Variants in APBB1 observed in about 807,000 individuals in gnomAD.
APBB1 encodes amyloid beta precursor protein binding family B member 1, also known as adaptor protein FE65a2.
APBB1 carries 22 observed loss-of-function variants against 78.4 expected under a neutral mutation model. The ratio of observed to expected loss-of-function variants is 0.28; its 90% confidence interval spans 0.20 to 0.40. APBB1 has a LOEUF of 0.40. Among genes scored for constraint, APBB1 ranks in the 10% least tolerant of loss-of-function variants. APBB1 has a pLI of 1.00. For synonymous variants in APBB1, 369 were observed against 372.7 expected (o/e 0.99, Z 0.12); for missense variants, 749 against 932.4 (o/e 0.80, Z 2.56).
chr11:6,405,740 C>A, intron 2 of APBB1: 1 of 919,172 alleles, frequency 1.1e-6, no homozygotes, highest in Non-Finnish European at 1.3e-6. Context: ...CCTCTCCTCA[C>A]CCCCACTTCC....
Position 6,410,938 on chromosome 11 carries a change from A to T in APBB1, c.410T>A (p.Leu137Gln). The change falls in exon 2 of 15, where the codon CTG becomes CAG. Residue 137 changes from leucine to glutamine, a missense_variant. Coordinates refer to ENST00000609360, the MANE Select transcript of APBB1 (RefSeq NM_001164.5). ...CCCCTGCTCTTGAGTGCTGATGATC[A>T]GGCCAGGTCCTCGTAGGCCTCGGTT... ...AANRGLRGPG[L>Q]IISTQEQGPD... The T allele has an allele frequency of 6.2e-7, 1 of 1,614,164 alleles. No homozygotes were observed. The highest frequency in any genetic ancestry group is 1.1e-5 in the South Asian group (1 of 91,088).
rs761376857 is a variant in APBB1 at position 6,400,405 on chromosome 11, G to A, written c.1672+584C>T. Among the ~76,000 whole-genome samples the A allele has an allele frequency of 8.5e-5, 13 of 152,146 alleles. 1 individual carries two copies. The highest frequency in any genetic ancestry group is 1.8e-4 in the Non-Finnish European group (12 of 68,026). ...AAACATACAAAAATTAACCAGGCGT[G>A]GTGGCGGGAGCCTGTAATCCCAGCT... On this transcript the variant is annotated intron_variant, in intron 12 of 14. Coordinates refer to ENST00000609360, the MANE Select transcript of APBB1 (RefSeq NM_001164.5).
rs1848517839 is a variant in APBB1, at chr11:6,401,649, C to T, written c.1428G>A (p.Met476Ile). ...AYVARDKLTQ[M>I]LKCHVFRCEA... ...CACAGCGAAACACGTGGCACTTGAG[C>T]ATCTGGGTCAGCTTATCACGAGCTA... The change falls in exon 10 of 15, where the codon ATG (methionine) becomes ATA (isoleucine). Residue 476 changes from methionine (M) to isoleucine (I), a missense_variant. Physicochemically the swap from Met to Ile is conservative, Grantham distance 10 (BLOSUM62 1). Around this residue, in one of 3 missense-constraint regions of APBB1, gnomAD observed 635 missense variants for 765.0 expected, o/e 0.83. Transcript: ENST00000609360. This position sits in a 1 kb window ranked among gnomAD's most constrained non-coding sequence, Gnocchi z 4.5. 6.2e-7 allele frequency: 1 copy of T among 1,614,168 alleles called. No homozygotes were observed. Among genetic ancestry groups the T allele is most frequent in the Non-Finnish European group, 8.5e-7 (1 of 1,180,028 alleles).
Position 6,401,812 on chromosome 11 carries a change from C to A in APBB1, c.1389-124G>T. Reference sequence around the variant, plus strand: ...AGGGCTTCTGCCCACAGCTGGTCCCCCATAGGTGCTGCCTTCTTGGGGGGG... The same window carrying A: ...AGGGCTTCTGCCCACAGCTGGTCCCACATAGGTGCTGCCTTCTTGGGGGGG... On this transcript the variant is annotated intron_variant, in intron 9 of 14. Coordinates refer to ENST00000609360, the MANE Select transcript of APBB1 (RefSeq NM_001164.5). The surrounding 1 kb of genome is among the most constrained non-coding windows in gnomAD (Gnocchi z 4.5). 7.0e-7 allele frequency: 1 copy of A among 1,434,418 alleles called. No individual in the cohort carries two copies. Among genetic ancestry groups the A allele is most frequent in the Non-Finnish European group, 9.7e-7 (1 of 1,031,744 alleles). The allele number at this position is 1,434,418 out of a possible 1,614,324, so 88.9% of individuals were successfully genotyped here.
At chr11:6,408,206 G>A (rs533932553) in intron 2 of APBB1, among the ~76,000 whole-genome samples, 1 of 152,222 alleles carries the variant, frequency 6.6e-6, no homozygotes, top group Non-Finnish European at 1.5e-5. Context: ...GGGAAGAGGA[G>A]CATGGTAAAT....
intron 2 of APBB1, among the ~76,000 whole-genome samples, chr11:6,406,904 C>T (rs1169364676): frequency 6.6e-6 from 1 of 152,220 alleles, no homozygotes; most frequent in Non-Finnish European, 1.5e-5. Flanking sequence ...CCTCACCAGG[C>T]TGTGAAGGCC....
intron 12 of APBB1, among the ~76,000 whole-genome samples, chr11:6,399,433 T>C (rs973609062): frequency 6.6e-6 from 1 of 152,144 alleles, no homozygotes; most frequent in Non-Finnish European, 1.5e-5. Context: ...ATCCAGAAGG[T>C]CCAACAGCCA....
intron 1 of APBB1, among the ~76,000 whole-genome samples, chr11:6,414,464 G>A (rs747636136): frequency 2.0e-5 from 3 of 152,258 alleles, no homozygotes; most frequent in South Asian, 2.1e-4. Flanking sequence ...GCCGTGTGCC[G>A]ACACAGACTG....
At chr11:6,405,041 G>A (rs1848739628) in intron 2 of APBB1, 1 of 1,418,138 alleles carries the variant, frequency 7.1e-7, no homozygotes, top group South Asian at 1.5e-5. Flanking sequence ...GGAGGTTCAT[G>A]AGACCCCAGC....
chr11:6,419,001 C>T lies in APBB1; in HGVS notation c.-31G>A. On this transcript the variant is annotated 5_prime_UTR_variant, in exon 1 of 15. Transcript: ENST00000609360. ...ACCTCCTACCTGCGCGGTGAGGCCC[C>T]GGGCCCAGATGACGGAGGTGGCTCA... 1 of 392,870 alleles carries T rather than the reference C, an allele frequency of 2.5e-6. No homozygotes were observed. Among genetic ancestry groups the T allele is most frequent in the Non-Finnish European group, 4.5e-6 (1 of 222,254 alleles). 24.3% of individuals were successfully genotyped at this position (392,870 alleles called of 1,614,324 possible). A position where few individuals can be genotyped will look rare whatever the true frequency, so the allele number is the denominator to read the frequency against.
Position 6,410,980 on chromosome 11 carries a change from G to C in APBB1, c.368C>G (p.Ser123Ter), listed in dbSNP as rs1290625702. 2 of 1,614,194 alleles carry C rather than the reference G, an allele frequency of 1.2e-6. No homozygotes were observed. The highest frequency in any genetic ancestry group is 1.3e-5 in the African/African-American group (1 of 75,066). ...GCCTCGGTTGGCTGCGTTGTGAGCTGAGAGCTCCAGCTCAGAGTACAGGTG... is the reference window on the plus strand; with the variant it reads ...GCCTCGGTTGGCTGCGTTGTGAGCTCAGAGCTCCAGCTCAGAGTACAGGTG... ...LIHLYSELEL[S>*]AHNAANRGLR... is the part of the protein sequence containing the mutation. Residue 123 changes from serine to a stop codon, truncating the protein, a stop_gained, in exon 2 of 15, where the codon TCA (serine) becomes TGA (stop). Transcript: ENST00000609360. LOFTEE classifies it high-confidence loss of function.
chr11:6,415,566 T>G (rs1374176451), intron 1 of APBB1, among the ~76,000 whole-genome samples: 2 of 152,128 alleles, frequency 1.3e-5, no homozygotes, highest in Non-Finnish European at 2.9e-5. Flanking sequence ...TACAGGAACC[T>G]GGGGCTTACT....
Position 6,403,120 on chromosome 11 carries a change from G to A in APBB1, c.1104+25C>T, listed in dbSNP as rs1848618948. 6.3e-7 allele frequency: 1 copy of A among 1,593,244 alleles called. No homozygotes were observed. The highest frequency in any genetic ancestry group is 1.1e-5 in the South Asian group (1 of 87,086). ...GACAAATAAGAGGGCCCCAGACTCA[G>A]AATGGGTGTCAGTCTTGAACAAACC... is the stretch of plus-strand genomic sequence containing the variant. On this transcript the variant is annotated intron_variant, in intron 6 of 14. Transcript: ENST00000609360. This position sits in a 1 kb window ranked among gnomAD's most constrained non-coding sequence, Gnocchi z 5.3.
intron 1 of APBB1, among the ~76,000 whole-genome samples, chr11:6,415,688 C>T (rs1013627765): frequency 6.6e-6 from 1 of 152,184 alleles, no homozygotes; most frequent in African/African-American, 2.4e-5. Context: ...GGGAAGCCAT[C>T]CAACTGGGTA....
At chr11:6,415,328 G>A (rs1849092427) in intron 1 of APBB1, among the ~76,000 whole-genome samples, 1 of 152,228 alleles carries the variant, frequency 6.6e-6, no homozygotes, top group South Asian at 2.1e-4. Context: ...GTCAGGAGTT[G>A]TCTAATCTGA....
intron 2 of APBB1, chr11:6,405,085 G>A (rs1848743383): frequency 7.3e-7 from 1 of 1,368,122 alleles, no homozygotes; most frequent in Non-Finnish European, 9.4e-7. Context: ...CCTCGCCCTG[G>A]CTCCCCTCCC....
chr11:6,400,671 G>T (rs1362178070), intron 12 of APBB1, among the ~76,000 whole-genome samples: 3 of 151,040 alleles, frequency 2.0e-5, no homozygotes, highest in Non-Finnish European at 4.4e-5. Context: ...GCTGCTGTCT[G>T]GTGTCCTCCA....
intron 2 of APBB1, 43 bp downstream of exon 2, chr11:6,410,584 C>G (rs1236741216): frequency 6.7e-7 from 1 of 1,493,038 alleles, no homozygotes; most frequent in Non-Finnish European, 9.0e-7. Context: ...TAACCTCTGC[C>G]CTCACACCCT....
In APBB1 at chr11:6,419,076, G is replaced by A; in HGVS notation, c.-106C>T. On this transcript the variant is annotated 5_prime_UTR_variant, in exon 1 of 15. Coordinates refer to ENST00000609360, the MANE Select transcript of APBB1 (RefSeq NM_001164.5). The stretch of plus-strand genomic sequence containing the variant: ...CGGCTTCTCCATCACAACATCCCCC[G>A]CCCAGGAGCGCGCGGGCCGCGGGGC... The A allele has an allele frequency of 7.7e-6, 3 of 388,012 alleles. No homozygotes were observed. The highest frequency in any genetic ancestry group is 3.7e-5 in the East Asian group (1 of 27,254). The allele number at this position is 388,012 out of a possible 1,614,324, so 24.0% of individuals were successfully genotyped here.
Sources: allele counts gnomAD v4.1 joint callset (sites outside exome capture counted in the v4.1 genomes callset), GRCh38; gene constraint gnomAD v4.1.1; regional missense constraint gnomAD v4.1.1; non-coding constraint Gnocchi (gnomAD v3.1); transcripts MANE v1.5; gene names NCBI Gene and HGNC (gene_info 2026-07-23, HGNC 2026-07-21).